Variants in ASB15 observed in about 807,000 individuals in gnomAD.
ASB15 encodes ankyrin repeat and SOCS box containing 15, also known as ankyrin repeat and SOCS box protein 15.
In ASB15, 54 loss-of-function variants were observed where a neutral mutation model predicts 58.0. The observed-to-expected ratio is 0.93, with a 90% confidence interval of 0.75 to 1.17. The LOEUF (loss-of-function observed/expected upper bound fraction) is 1.17, where lower values mean the gene tolerates loss of function less well. ASB15 is among the 50% of genes most tolerant of loss of function. The pLI is 0.00. For synonymous variants in ASB15, 249 were observed against 262.4 expected (o/e 0.95, Z 0.50); for missense variants, 680 against 707.4 (o/e 0.96, Z 0.44).
rs986470339 is a variant in ASB15 at position 123,634,114 on chromosome 7, T to C, written c.1595-2695T>C. ...TTGTTACACAGGTAAACATTTATCA[T>C]GGTGGTTTGCTGCACAGATCATCCC... On this transcript the variant is annotated intron_variant, in intron 11 of 11. Transcript: ENST00000451215. 1.8e-4 allele frequency among the ~76,000 whole-genome samples: 28 copies of C among 152,150 alleles called. 1 individual carries two copies. The highest frequency in any genetic ancestry group is 6.0e-4 in the African/African-American group (25 of 41,424).
intron 4 of ASB15, 134 bp downstream of exon 4, chr7:123,614,743 C>T: frequency 1.5e-6 from 1 of 684,436 alleles, no homozygotes; most frequent in Non-Finnish European, 2.6e-6. Context: ...AATCTAACAG[C>T]TTTCCAAGGG....
chr7:123,593,801 A>T (rs1226304926), intron 1 of ASB15, among the ~76,000 whole-genome samples: 2 of 152,012 alleles, frequency 1.3e-5, no homozygotes, highest in Non-Finnish European at 2.9e-5. Context: ...CGTTCTCTGT[A>T]TTTCCTGAAT....
chr7:123,635,893 A>T (rs1209387900), intron 11 of ASB15, among the ~76,000 whole-genome samples: 2 of 152,172 alleles, frequency 1.3e-5, no homozygotes, highest in African/African-American at 4.8e-5. Flanking sequence ...ATTTTAAAAG[A>T]TAAATTGTTT....
intron 1 of ASB15, among the ~76,000 whole-genome samples, chr7:123,568,486 A>G (rs571533857): frequency 5.3e-5 from 8 of 151,426 alleles, no homozygotes; most frequent in African/African-American, 1.7e-4. Flanking sequence ...GTGCCATTGC[A>G]CTCCAGCCTG....
At chr7:123,592,558 G>A (rs567599534) in intron 1 of ASB15, among the ~76,000 whole-genome samples, 10 of 152,290 alleles carry the variant, frequency 6.6e-5, no homozygotes, top group African/African-American at 2.2e-4. Flanking sequence ...TAGTCACTCA[G>A]GAGCAGGTTG....
intron 1 of ASB15, among the ~76,000 whole-genome samples, chr7:123,567,753 A>G (rs1025988582): frequency 2.0e-5 from 3 of 152,164 alleles, no homozygotes; most frequent in African/African-American, 7.2e-5. Flanking sequence ...ATTTTTCAAG[A>G]CTGGTAGCAA....
intron 3 of ASB15, among the ~76,000 whole-genome samples, chr7:123,611,012 G>C (rs570735719): frequency 3.3e-4 from 50 of 149,590 alleles, no homozygotes; most frequent in Non-Finnish European, 5.3e-4. Flanking sequence ...AACCCAGCAG[G>C]CGGGAGGTTG....
intron 7 of ASB15, among the ~76,000 whole-genome samples, chr7:123,622,334 A>G (rs1027625447): frequency 6.6e-6 from 1 of 152,046 alleles, no homozygotes; most frequent in Non-Finnish European, 1.5e-5. Context: ...GACATTTTTA[A>G]ATTATTTTAC....
intron 1 of ASB15, among the ~76,000 whole-genome samples, chr7:123,573,969 C>T (rs1195929260): frequency 1.3e-5 from 2 of 152,030 alleles, no homozygotes; most frequent in Non-Finnish European, 2.9e-5. Context: ...AACTGAACTT[C>T]ATTAGGTCGC....
intron 7 of ASB15, among the ~76,000 whole-genome samples, chr7:123,622,574 A>G (rs1801399557): frequency 6.6e-6 from 1 of 152,234 alleles, no homozygotes; most frequent in African/African-American, 2.4e-5. Flanking sequence ...AGTTATTTTC[A>G]TGAAGAGAAA....
chr7:123,632,117 A>C (rs963016141), intron 11 of ASB15, among the ~76,000 whole-genome samples: 2 of 151,970 alleles, frequency 1.3e-5, no homozygotes, highest in Non-Finnish European at 2.9e-5. Context: ...GAAGAACAGA[A>C]TAATATCCCC....
chr7:123,571,175 G>C (rs961126161), intron 1 of ASB15, among the ~76,000 whole-genome samples: 4 of 152,220 alleles, frequency 2.6e-5, no homozygotes, highest in African/African-American at 9.6e-5. Context: ...CAACTGCACA[G>C]CAGTTGAGTA....
At chr7:123,592,667 T>C (rs1454967941) in intron 1 of ASB15, among the ~76,000 whole-genome samples, 5 of 152,220 alleles carry the variant, frequency 3.3e-5, no homozygotes, top group Non-Finnish European at 5.9e-5. Flanking sequence ...TTGCGATTTC[T>C]GTTCTTTTAC....
At chr7:123,576,764 T>C (rs1799077533) in intron 1 of ASB15, among the ~76,000 whole-genome samples, 1 of 152,184 alleles carries the variant, frequency 6.6e-6, no homozygotes, top group South Asian at 2.1e-4. Flanking sequence ...CTTTAGAAAG[T>C]ATATTTTTGT....
At chr7:123,629,840 G>A (rs545380843) in intron 10 of ASB15, 126 bp from the exon 11 acceptor site, 1 of 722,338 alleles carries the variant, frequency 1.4e-6, no homozygotes, top group Admixed American at 3.1e-5. Context: ...TTTAATTTTT[G>A]TTCATTACAA....
Position 123,616,506 on chromosome 7 carries a change from A to G in ASB15, c.292+11A>G, listed in dbSNP as rs370182146. On this transcript the variant is annotated intron_variant, in intron 6 of 11. Transcript: ENST00000451215. ...AGATTGTTCTGGATGGTAAGAGAAC[A>G]TAAAACATGTTTGACCAAGCCAGAG... 15 of 1,610,346 alleles carry G rather than the reference A, an allele frequency of 9.3e-6. No homozygotes were observed. The highest frequency in any genetic ancestry group is 1.3e-5 in the Non-Finnish European group (15 of 1,178,198).
intron 1 of ASB15, among the ~76,000 whole-genome samples, chr7:123,594,932 T>G (rs919971026): frequency 6.6e-6 from 1 of 152,184 alleles, no homozygotes; most frequent in Non-Finnish European, 1.5e-5. Flanking sequence ...TGAGCAGCCG[T>G]GTGCTCCACC....
chr7:123,587,231 G>T (rs1371385739), intron 1 of ASB15, among the ~76,000 whole-genome samples: 1 of 151,474 alleles, frequency 6.6e-6, no homozygotes, highest in Non-Finnish European at 1.5e-5. Flanking sequence ...TTTCATCATT[G>T]TTTTATGTTT....
At chr7:123,623,983 GAAAGAAA>G (rs1801585984) in intron 7 of ASB15, among the ~76,000 whole-genome samples, 1 of 131,936 alleles carries the variant, frequency 7.6e-6, no homozygotes, top group Non-Finnish European at 1.7e-5. Flanking sequence ...AAGAAAGAAA[GAAAGAAA>G]GAAAGAGAAA....
Sources: gnomAD v4.1 joint callset for allele counts (sites outside exome capture counted in the v4.1 genomes callset) on GRCh38, gnomAD v4.1.1 for gene constraint, MANE v1.5 for transcripts, NCBI Gene and HGNC (gene_info 2026-07-23, HGNC 2026-07-21) for gene names.